Variants in LRRC9 observed in about 807,000 individuals in gnomAD.
LRRC9 encodes leucine rich repeat containing 9.
Under a neutral mutation model 63.2 loss-of-function variants are expected in LRRC9, and 122 were observed. The ratio of observed to expected loss-of-function variants is 1.93; its 90% CI spans 1.67 to 2.24. LRRC9 has a LOEUF of 2.24. LRRC9 is among the 30% of genes most tolerant of loss of function. The probability of loss-of-function intolerance (pLI) is 0.00; values close to 1 mark genes in which losing one functional copy is unlikely to be tolerated. For synonymous variants in LRRC9, 366 were observed against 213.1 expected (o/e 1.72, Z -6.25); for missense variants, 1,071 against 627.7 (o/e 1.71, Z -7.55).
exon 16 of LRRC9, chr14:59,982,014 A>AAAC: frequency 1.4e-6 from 1 of 702,512 alleles, no homozygotes. Context: ...TTGGATGATA[A>AAAC]AACAATACTT....
At chr14:60,007,337 T>G (rs1025846542) in intron 22 of LRRC9, among the ~76,000 whole-genome samples, 5 of 152,190 alleles carry the variant, frequency 3.3e-5, no homozygotes, top group Non-Finnish European at 7.3e-5. Flanking sequence ...CACATTATGA[T>G]GCACAGTAGT....
intron 23 of LRRC9, among the ~76,000 whole-genome samples, chr14:60,010,194 G>A (rs1375414052): frequency 6.6e-6 from 1 of 152,162 alleles, no homozygotes; most frequent in South Asian, 2.1e-4. Flanking sequence ...TGCCCTAGCA[G>A]AGGGCAGCAG....
intron 17 of LRRC9, among the ~76,000 whole-genome samples, chr14:59,989,902 A>G (rs1887876138): frequency 6.8e-6 from 1 of 146,854 alleles, no homozygotes; most frequent in Non-Finnish European, 1.5e-5. Flanking sequence ...CTCTATTCCA[A>G]TCCTCCACTT....
intron 12 of LRRC9, among the ~76,000 whole-genome samples, chr14:59,970,375 T>C (rs1157351451): frequency 6.6e-6 from 1 of 152,128 alleles, no homozygotes; most frequent in Non-Finnish European, 1.5e-5. Context: ...CTGTTGTGAA[T>C]AGTTTGCAAT....
At position 60,003,174 on chromosome 14, in the gene LRRC9, G is replaced by A. The variant is rs777372292; in HGVS notation, c.2665-447G>A. ...TGGCTGACCCACAGGCAGTTCTGGA[G>A]TTAGTGGAGTTAGAATGGCCCTTTA... On this transcript the variant is annotated intron_variant, in intron 20 of 31. Transcript: ENST00000445360. The surrounding 1 kb of genome is among the most constrained non-coding windows in gnomAD (Gnocchi z 4.2). Among the ~76,000 whole-genome samples the A allele has an allele frequency of 6.6e-5, 10 of 152,252 alleles. No individual in the cohort carries two copies. The highest frequency in any genetic ancestry group is 1.2e-4 in the Non-Finnish European group (8 of 68,040).
intron 13 of LRRC9, among the ~76,000 whole-genome samples, chr14:59,975,043 A>ATATATATATG (rs1481949468): frequency 2.0e-5 from 1 of 51,172 alleles, no homozygotes; most frequent in Non-Finnish European, 7.0e-5. Flanking sequence ...GCATATATAT[A>ATATATATATG]TATATATATG....
At chr14:59,960,866 C>A (rs144059408) in intron 9 of LRRC9, 48 bp from the exon 10 acceptor site, 3 of 518,860 alleles carry the variant, frequency 5.8e-6, no homozygotes, top group South Asian at 5.8e-5. Flanking sequence ...TTTAATGTTG[C>A]GATTTTTAGA....
In LRRC9 at chr14:59,964,486, C is replaced by T. The variant is rs139603687; in HGVS notation, c.1212-2103C>T. On this transcript the variant is annotated intron_variant, in intron 10 of 31. Transcript: ENST00000445360. The surrounding 1 kb of genome is among the most constrained non-coding windows in gnomAD (Gnocchi z 4.4). ...ATAAAATCTCCATGAAAAAATCACA[C>T]TTCATAGCTCCTGCCTTCCTGGGGA... is the stretch of plus-strand genomic sequence containing the variant. Among the ~76,000 whole-genome samples the T allele has an allele frequency of 8.9e-4, 136 of 152,320 alleles. No individual in the cohort carries two copies. Among genetic ancestry groups the T allele is most frequent in the African/African-American group, 3.0e-3 (126 of 41,586 alleles).
At chr14:60,033,812 T>C (rs1892188480) in intron 29 of LRRC9, among the ~76,000 whole-genome samples, 1 of 152,092 alleles carries the variant, frequency 6.6e-6, no homozygotes, top group African/African-American at 2.4e-5. Context: ...TATGGAGTTT[T>C]GATACTCAAT....
intron 1 of LRRC9, among the ~76,000 whole-genome samples, chr14:59,921,853 A>G (rs1026986272): frequency 6.6e-6 from 1 of 151,782 alleles, no homozygotes; most frequent in Non-Finnish European, 1.5e-5. Context: ...TGGGAAGCCG[A>G]GGCGGGTGGA....
intron 29 of LRRC9, among the ~76,000 whole-genome samples, chr14:60,035,261 A>G (rs1892334980): frequency 6.6e-6 from 1 of 152,088 alleles, no homozygotes; most frequent in African/African-American, 2.4e-5. Context: ...CCCTTGTCAG[A>G]TGGATTGATT....
chr14:59,992,169 T>C (rs1466519149), intron 17 of LRRC9, among the ~76,000 whole-genome samples: 3 of 152,230 alleles, frequency 2.0e-5, no homozygotes, highest in Non-Finnish European at 4.4e-5. Flanking sequence ...TCCACTGTTA[T>C]GCAGCCTCCA....
Position 59,937,110 on chromosome 14 carries a change from GT to G in LRRC9, c.544-1279del, listed in dbSNP as rs1216403258. Among the ~76,000 whole-genome samples, 8 of 149,242 alleles carry G rather than the reference GT, an allele frequency of 5.4e-5. No homozygotes were observed. In the Admixed American group the frequency reaches 5.4e-4, roughly 10 times the overall value. On this transcript the variant is annotated intron_variant, in intron 6 of 31. Transcript: ENST00000445360. ...TTATTTAGTGCCTGCTGTGTTCTAA[GT>G]GCTGAGTGTTGAGAATACAATGTTA... is the stretch of plus-strand genomic sequence containing the variant.
chr14:59,994,876 G>C (rs1888579164), intron 17 of LRRC9, among the ~76,000 whole-genome samples: 1 of 151,980 alleles, frequency 6.6e-6, no homozygotes, highest in Non-Finnish European at 1.5e-5. Context: ...TGGGGGGAAG[G>C]GGGAGGGATA....
At chr14:59,999,712 C>T (rs1889160490) in intron 19 of LRRC9, among the ~76,000 whole-genome samples, 2 of 152,068 alleles carry the variant, frequency 1.3e-5, no homozygotes, top group Admixed American at 1.3e-4. Flanking sequence ...GTAGCTTCAA[C>T]ATCCTAAATA....
chr14:60,015,715 T>G (rs549910024), intron 23 of LRRC9, among the ~76,000 whole-genome samples: 2 of 152,194 alleles, frequency 1.3e-5, no homozygotes, highest in Admixed American at 1.3e-4. Context: ...TGGGTGGAAG[T>G]GGGAATCCAA....
chr14:60,053,114 A>G lies in LRRC9; in HGVS notation c.4040A>G (p.Asn1347Ser). 1.4e-6 allele frequency: 1 copy of G among 701,944 alleles called. No individual in the cohort carries two copies. The highest frequency in any genetic ancestry group is 2.6e-6 in the Non-Finnish European group (1 of 384,402). 43.5% of individuals were successfully genotyped at this position (701,944 alleles called of 1,614,324 possible). The change falls in exon 30 of 32, where the codon AAC (asparagine) becomes AGC (serine). Residue 1347 changes from asparagine (N) to serine (S), a missense_variant. Coordinates refer to ENST00000445360, the Ensembl canonical transcript of LRRC9. The surrounding 1 kb of genome is among the most constrained non-coding windows in gnomAD (Gnocchi z 4.8). The stretch of plus-strand genomic sequence containing the variant: ...CACATGCTTATATTTCGACTGCCTA[A>G]CTTACAGATGTTAGATGGAAGTCCT...
At chr14:59,960,119 T>C (rs1884202442) in intron 9 of LRRC9, 105 bp downstream of exon 9, 1 of 527,790 alleles carries the variant, frequency 1.9e-6, no homozygotes. Flanking sequence ...GTATGAACAA[T>C]TACAGTATGA....
intron 31 of LRRC9, among the ~76,000 whole-genome samples, chr14:60,062,902 T>TC (rs1297508923): frequency 6.6e-6 from 1 of 151,718 alleles, no homozygotes; most frequent in Non-Finnish European, 1.5e-5. Flanking sequence ...GTATTTTTTT[T>TC]TTTTTTGAGA....
Sources: gnomAD v4.1 joint callset for allele counts (sites outside exome capture counted in the v4.1 genomes callset) on GRCh38, gnomAD v4.1.1 for gene constraint, Gnocchi (gnomAD v3.1) non-coding constraint, MANE v1.5 for transcripts, NCBI Gene and HGNC (gene_info 2026-07-23, HGNC 2026-07-21) for gene names.